TRIM14: variants seen among roughly 807,000 people sequenced by gnomAD.
TRIM14 encodes tripartite motif containing 14, also known as tripartite motif-containing protein 14.
A neutral mutation model predicts 44.5 loss-of-function variants in TRIM14; 28 were observed. That is an observed-to-expected ratio of 0.63 (90% CI 0.47 to 0.86). The LOEUF (loss-of-function observed/expected upper bound fraction) is 0.86, where lower values mean the gene tolerates loss of function less well. TRIM14 is among the 40% of genes least tolerant of loss of function. The pLI is 0.00. For missense variants in TRIM14, 607 were observed against 611.1 expected (o/e 0.99, Z 0.07); for synonymous variants, 299 against 269.2 (o/e 1.11, Z -1.08).
At chr9:98,054,188 G>A in the TRIM14 span, among the ~76,000 whole-genome samples, 1 of 152,084 alleles carries the variant, frequency 6.6e-6, no homozygotes, top group African/African-American at 2.4e-5. Context: ...AGGGTTTTCT[G>A]AGTTAGGCCT....
chr9:98,072,569 C>T (rs1338456009), intron 6 of TRIM14, among the ~76,000 whole-genome samples: 1 of 152,090 alleles, frequency 6.6e-6, no homozygotes, highest in Non-Finnish European at 1.5e-5. Flanking sequence ...CGCTACCATG[C>T]CCAGCTAATT....
rs144925402 is a variant in TRIM14 at position 98,109,276 on chromosome 9, G to T, written c.303+613C>A. Among the ~76,000 whole-genome samples, 803 of 127,286 alleles carry T rather than the reference G, an allele frequency of 6.3e-3. 7 individuals are homozygous for T. The highest frequency in any genetic ancestry group is 0.039 in the African/African-American group (766 of 19,760). The allele number at this position is 127,286 out of a possible 152,430, so 83.5% of individuals were successfully genotyped here. A position where few individuals can be genotyped will look rare whatever the true frequency, so the allele number is the denominator to read the frequency against. On this transcript the variant is annotated intron_variant, in intron 2 of 5. Transcript: ENST00000341469. ...AGGGAGCAACAGAGGATGAAAGGGG[G>T]AGGGAGCAACAGGATGAAAGGGGGA...
downstream of TRIM14, among the ~76,000 whole-genome samples, chr9:98,079,863 C>A (rs903787445): frequency 6.6e-6 from 1 of 152,212 alleles, no homozygotes; most frequent in Non-Finnish European, 1.5e-5. Flanking sequence ...CTCCATCACA[C>A]ACCCTTAAGC....
chr9:98,099,359 G>A (rs1335332966), intron 3 of TRIM14, among the ~76,000 whole-genome samples: 1 of 151,672 alleles, frequency 6.6e-6, no homozygotes, highest in East Asian at 1.9e-4. Flanking sequence ...GGCTGAGCCA[G>A]GAGAACTGCT....
chr9:98,050,501 T>C, the TRIM14 span, among the ~76,000 whole-genome samples: 3 of 152,304 alleles, frequency 2.0e-5, no homozygotes, highest in East Asian at 3.9e-4. Flanking sequence ...CTAGGACCTA[T>C]GTGTTCCTTA....
Position 98,088,002 on chromosome 9 carries a change from G to A in TRIM14, c.797C>T (p.Ala266Val), listed in dbSNP as rs946030318. 4.6e-6 allele frequency: 7 copies of A among 1,531,834 alleles called. No individual in the cohort carries two copies. The highest frequency in any genetic ancestry group is 1.2e-5 in the South Asian group (1 of 83,046). 94.9% of individuals were successfully genotyped at this position (1,531,834 alleles called of 1,614,324 possible). A position where few individuals can be genotyped will look rare whatever the true frequency, so the allele number is the denominator to read the frequency against. Residue 266 changes from alanine to valine, a missense_variant, in exon 6 of 6, where the codon GCG becomes GTG. Transcript: ENST00000341469. The stretch of plus-strand genomic sequence containing the variant: ...GTCAGGATCCAGCGTGGGCGTGCGC[G>A]CGTCTGCAGGGGGCGAGACAAGGGA... ...SPERSLLLKY[A>V]RTPTLDPDTM...
Position 98,095,058 on chromosome 9 carries a change from C to A in TRIM14, c.538-29G>T. On this transcript the variant is annotated intron_variant, in intron 3 of 5. Transcript: ENST00000341469. This position sits in a 1 kb window ranked among gnomAD's most constrained non-coding sequence, Gnocchi z 4.1. ...TGTGGGCACACGGGGGTGAGGGTGG[C>A]TCTGGGAGATGCAGGCAGCATCCCA... The A allele has an allele frequency of 1.3e-6, 2 of 1,598,956 alleles. No individual in the cohort carries two copies. The highest frequency in any genetic ancestry group is 1.1e-5 in the South Asian group (1 of 89,966).
At chr9:98,041,649 G>A in the TRIM14 span, among the ~76,000 whole-genome samples, 5 of 151,432 alleles carry the variant, frequency 3.3e-5, no homozygotes, top group East Asian at 3.9e-4. Flanking sequence ...GTGCCACCAC[G>A]CCAGGCTAAT....
chr9:98,095,235 C>T lies in TRIM14; in HGVS notation c.538-206G>A, dbSNP rs1164488140. On this transcript the variant is annotated intron_variant, in intron 3 of 5. Transcript: ENST00000341469. This position sits in a 1 kb window ranked among gnomAD's most constrained non-coding sequence, Gnocchi z 4.1. ...CTGAGGTGGGAGCCATGCGGAGGTGCGGTTTTTCAGTGCTGGCACTGGGGA... is the reference window on the plus strand; with the variant it reads ...CTGAGGTGGGAGCCATGCGGAGGTGTGGTTTTTCAGTGCTGGCACTGGGGA... 2.6e-5 allele frequency among the ~76,000 whole-genome samples: 4 copies of T among 152,200 alleles called. No individual in the cohort carries two copies. Among genetic ancestry groups the T allele is most frequent in the Non-Finnish European group, 4.4e-5 (3 of 68,030 alleles).
intron 2 of TRIM14, among the ~76,000 whole-genome samples, chr9:98,104,621 C>T (rs10985065): frequency 0.33 from 50,806 of 152,038 alleles, 10,168 homozygotes; most frequent in African/African-American, 0.56. Flanking sequence ...TTGGGTCCCA[C>T]TGGTTCAAAG....
chr9:98,108,758 T>G (rs1010798437), intron 2 of TRIM14, among the ~76,000 whole-genome samples: 2 of 151,956 alleles, frequency 1.3e-5, no homozygotes, highest in Non-Finnish European at 2.9e-5. Context: ...TGACAGAGAA[T>G]GGACTTTAGG....
At chr9:98,058,481 T>A in the TRIM14 span, among the ~76,000 whole-genome samples, 1 of 152,194 alleles carries the variant, frequency 6.6e-6, no homozygotes, top group Non-Finnish European at 1.5e-5. Flanking sequence ...GTTTTTTCAG[T>A]TTTTGCTCCT....
At chr9:98,056,677 C>T in the TRIM14 span, 1 of 1,382,514 alleles carries the variant, frequency 7.2e-7, no homozygotes, top group Non-Finnish European at 9.6e-7. Context: ...ATTGGCTGCC[C>T]GGCGACCGCG....
intron 1 of TRIM14, among the ~76,000 whole-genome samples, chr9:98,112,267 T>TA (rs962421862): frequency 6.6e-6 from 1 of 152,198 alleles, no homozygotes; most frequent in Non-Finnish European, 1.5e-5. Flanking sequence ...ACAGAGTGTA[T>TA]AAAGTCAGAT....
At chr9:98,044,362 C>T in the TRIM14 span, among the ~76,000 whole-genome samples, 70 of 144,698 alleles carry the variant, frequency 4.8e-4, no homozygotes, top group African/African-American at 1.8e-3. Flanking sequence ...GCAAAATGCC[C>T]TTTCTCTTTT....
At chr9:98,104,477 T>C (rs1473149939) in intron 2 of TRIM14, among the ~76,000 whole-genome samples, 2 of 152,140 alleles carry the variant, frequency 1.3e-5, no homozygotes, top group African/African-American at 4.8e-5. Flanking sequence ...AGAAAACTTC[T>C]TGTATAAGCA....
At chr9:98,115,163 C>T (rs1056446646) in intron 1 of TRIM14, among the ~76,000 whole-genome samples, 1 of 151,966 alleles carries the variant, frequency 6.6e-6, no homozygotes, top group Non-Finnish European at 1.5e-5. Context: ...GATCTCGGCT[C>T]ACTGCAACCT....
intron 6 of TRIM14, among the ~76,000 whole-genome samples, chr9:98,072,012 C>T (rs7021804): frequency 0.6 from 91,325 of 152,018 alleles, 29,970 homozygotes; most frequent in African/African-American, 0.86. Context: ...GGGGCTTCCT[C>T]CTTGGTTTTC....
downstream of TRIM14, among the ~76,000 whole-genome samples, chr9:98,065,888 T>C (rs1308350087): frequency 6.6e-6 from 1 of 152,136 alleles, no homozygotes; most frequent in Non-Finnish European, 1.5e-5. Flanking sequence ...GCTGCTGCCA[T>C]GTAAGAAGTG....
Sources: gnomAD v4.1 joint callset for allele counts (sites outside exome capture counted in the v4.1 genomes callset) on GRCh38, gnomAD v4.1.1 for gene constraint, Gnocchi (gnomAD v3.1) non-coding constraint, MANE v1.5 for transcripts, NCBI Gene and HGNC (gene_info 2026-07-23, HGNC 2026-07-21) for gene names.